WDR74: variants seen among roughly 807,000 people sequenced by gnomAD.
WDR74 encodes WD repeat-containing protein 74.
A neutral mutation model predicts 45.6 loss-of-function variants in WDR74; 31 were observed. That is an observed-to-expected ratio of 0.68 (90% CI 0.51 to 0.92). WDR74 has a LOEUF of 0.92. Among genes scored for constraint, WDR74 ranks in the 40% least tolerant of loss-of-function variants. The pLI is 0.00. For synonymous variants in WDR74, 191 were observed against 192.4 expected (o/e 0.99, Z 0.06); for missense variants, 455 against 497.2 (o/e 0.92, Z 0.81).
chr11:62,838,760 CA>C (rs112966057), intron 3 of WDR74, among the ~76,000 whole-genome samples: 19,413 of 99,476 alleles, frequency 0.2, 2,101 homozygotes, highest in African/African-American at 0.4. Flanking sequence ...ACTCCGTCTC[CA>C]AAAAAAAAAA....
rs746758859 is a variant in WDR74 at position 62,833,920 on chromosome 11, G to C, written c.793C>G (p.Leu265Val). Residue 265 changes from leucine to valine, a missense_variant, in exon 9 of 11, where the codon CTG becomes GTG. By Grantham distance (32) the Leu-to-Val change is conservative. Coordinates refer to ENST00000278856, the MANE Select transcript of WDR74 (RefSeq NM_001369450.1). ...DLRQGRLLGC[L>V]KGLAGSVRGL... The stretch of plus-strand genomic sequence containing the variant: ...CGCACACTGCCTGCCAGCCCCTTCA[G>C]ACAGCCCAGTAGACGCCCTAGAGAA... The C allele has an allele frequency of 5.6e-6, 9 of 1,613,842 alleles. No individual in the cohort carries two copies. Among genetic ancestry groups the C allele is most frequent in the Admixed American group, 1.7e-5 (1 of 60,010 alleles).
intron 3 of WDR74, among the ~76,000 whole-genome samples, chr11:62,838,595 C>T (rs1290899895): frequency 6.6e-6 from 1 of 151,718 alleles, no homozygotes; most frequent in Non-Finnish European, 1.5e-5. Context: ...CCCGTCTCTA[C>T]TAAAGATACA....
In WDR74 at chr11:62,839,576, A is replaced by G; in HGVS notation, c.-6T>C. The G allele has an allele frequency of 6.8e-6, 11 of 1,606,672 alleles. No homozygotes were observed. Among genetic ancestry groups the G allele is most frequent in the Non-Finnish European group, 9.4e-6 (11 of 1,175,994 alleles). On this transcript the variant is annotated 5_prime_UTR_variant, in exon 1 of 11. Transcript: ENST00000278856. Reference sequence around the variant, plus strand: ...CGTGCAGCAGCAGCCGCCATGACAAAGCCTGGAGGCAGACAGTTCACACTT... The same window carrying G: ...CGTGCAGCAGCAGCCGCCATGACAAGGCCTGGAGGCAGACAGTTCACACTT...
At chr11:62,841,238 A>AC (rs35017180), upstream of WDR74, among the ~76,000 whole-genome samples, 1 of 152,102 alleles carries the variant, frequency 6.6e-6, no homozygotes, top group African/African-American at 2.4e-5. Context: ...AATCGCATGA[A>AC]CCCGGGAGGC....
chr11:62,841,419 G>T (rs539530100), upstream of WDR74: 1 of 151,870 alleles, frequency 6.6e-6, no homozygotes, highest in African/African-American at 2.4e-5. Flanking sequence ...GAAGATTGCT[G>T]AAGACCACAT....
In WDR74 at chr11:62,839,190, C is replaced by G. The variant is rs201289915; in HGVS notation, c.217G>C (p.Glu73Gln). 2.5e-6 allele frequency: 4 copies of G among 1,613,754 alleles called. No individual in the cohort carries two copies. Among genetic ancestry groups the G allele is most frequent in the Non-Finnish European group, 3.4e-6 (4 of 1,179,902 alleles). Residue 73 changes from glutamate to glutamine, a missense_variant, in exon 3 of 11, where the codon GAG (glutamate) becomes CAG (glutamine). By Grantham distance (29) the Glu-to-Gln change is conservative. Transcript: ENST00000278856. ...ADRTVKHFST[E>Q]DGIFQGQRHC... The stretch of plus-strand genomic sequence containing the variant: ...CTCTGACCCTGGAATATGCCATCCT[C>G]GGTGCTGAAGTGCTTCACCGTCCTG...
At chr11:62,840,749 T>C (rs1260555242), upstream of WDR74, among the ~76,000 whole-genome samples, 2 of 152,194 alleles carry the variant, frequency 1.3e-5, no homozygotes, top group Non-Finnish European at 2.9e-5. Flanking sequence ...CTGATTCACT[T>C]TTCTTTTGGT....
In WDR74 at chr11:62,835,941, T is replaced by A; in HGVS notation, c.369+20A>T. On this transcript the variant is annotated intron_variant, in intron 4 of 10. Coordinates refer to ENST00000278856, the MANE Select transcript of WDR74 (RefSeq NM_001369450.1). Reference sequence around the variant, plus strand: ...TACCCCAGCCCACCTCCCCCAACCATCAGGGCAGGGGAGCCTCACTGGGTC... The same window carrying A: ...TACCCCAGCCCACCTCCCCCAACCAACAGGGCAGGGGAGCCTCACTGGGTC... The A allele has an allele frequency of 6.3e-7, 1 of 1,588,004 alleles. No individual in the cohort carries two copies. Among genetic ancestry groups the A allele is most frequent in the South Asian group, 1.1e-5 (1 of 87,288 alleles).
At chr11:62,841,615 G>GT (rs1565225849), upstream of WDR74, 1 of 152,176 alleles carries the variant, frequency 6.6e-6, no homozygotes, top group African/African-American at 2.4e-5. Context: ...TTCTCTCCCC[G>GT]AAGGGAGAGT....
intron 3 of WDR74, among the ~76,000 whole-genome samples, 156 bp downstream of exon 3, chr11:62,838,958 T>C (rs1418335675): frequency 6.6e-6 from 1 of 152,116 alleles, no homozygotes; most frequent in Non-Finnish European, 1.5e-5. Flanking sequence ...TAAATGTGTG[T>C]TACAGGTATG....
upstream of WDR74, chr11:62,841,654 A>C (rs529642087): frequency 3.3e-5 from 5 of 152,248 alleles, no homozygotes; most frequent in African/African-American, 7.2e-5. Flanking sequence ...CTGCAATACC[A>C]GGTCGATGCG....
intron 8 of WDR74, 137 bp downstream of exon 8, chr11:62,834,139 T>C: frequency 6.8e-7 from 1 of 1,479,656 alleles, no homozygotes; most frequent in East Asian, 2.3e-5. Context: ...CATACAGCTT[T>C]TAGGGAAACC....
rs377412418 is a variant in WDR74, at chr11:62,837,787, C to T, written c.293+1327G>A. 7.9e-5 allele frequency among the ~76,000 whole-genome samples: 12 copies of T among 152,344 alleles called. No homozygotes were observed. The South Asian group carries it at 2.5e-3, about 32-fold the overall frequency. On this transcript the variant is annotated intron_variant, in intron 3 of 10. Transcript: ENST00000278856. Reference sequence around the variant, plus strand: ...AGCCTGCTTCACAGCCCTCTTTCATCATCTTTGGAAGAAAGCAAGGCCAGT... The same window carrying T: ...AGCCTGCTTCACAGCCCTCTTTCATTATCTTTGGAAGAAAGCAAGGCCAGT...
chr11:62,836,093 C>T (rs1046758427), intron 3 of WDR74, 57 bp from the exon 4 acceptor site: 11 of 1,492,808 alleles, frequency 7.4e-6, no homozygotes, highest in Non-Finnish European at 1.0e-5. Context: ...TTGTTCTAAT[C>T]TTTCTCTCCT....
upstream of WDR74, chr11:62,841,598 A>C (rs539260370): frequency 3.9e-5 from 6 of 152,156 alleles, no homozygotes; most frequent in Admixed American, 3.3e-4. Flanking sequence ...CCATTAAACA[A>C]CGGTTGTTCT....
chr11:62,835,641 G>T, intron 5 of WDR74, 54 bp downstream of exon 5: 1 of 1,613,766 alleles, frequency 6.2e-7, no homozygotes, highest in Non-Finnish European at 8.5e-7. Context: ...CATCGTCAGT[G>T]GCCTCAGCCT....
upstream of WDR74, chr11:62,839,674 A>T (rs777346238): frequency 3.7e-6 from 5 of 1,366,280 alleles, no homozygotes; most frequent in Non-Finnish European, 5.0e-6. Context: ...AAGTTTGAAG[A>T]GCCGAAACAG....
upstream of WDR74, chr11:62,840,352 G>C (rs988599458): frequency 6.6e-6 from 1 of 151,562 alleles, no homozygotes; most frequent in Admixed American, 6.6e-5. Flanking sequence ...GCGTGGTGGC[G>C]GGCGCCTGTA....
Position 62,833,079 on chromosome 11 carries a change from T to A in WDR74, c.1031A>T (p.Glu344Val), listed in dbSNP as rs1331530417. The part of the protein sequence containing the change: ...EPNKVPLEDT[E>V]TDELWASLEA... ...CAAGGATGCCCAAAGTTCATCTGTC[T>A]CTGTGTCTTCTAGGGGCACCTTGTT... The change falls in exon 11 of 11, where the codon GAG (glutamate) becomes GTG (valine). Residue 344 changes from glutamate to valine, a missense_variant. Coordinates refer to ENST00000278856, the MANE Select transcript of WDR74 (RefSeq NM_001369450.1). The A allele has an allele frequency of 6.2e-7, 1 of 1,612,338 alleles. No homozygotes were observed. Among genetic ancestry groups the A allele is most frequent in the Non-Finnish European group, 8.5e-7 (1 of 1,179,364 alleles).
Sources: allele counts gnomAD v4.1 joint callset (sites outside exome capture counted in the v4.1 genomes callset), GRCh38; gene constraint gnomAD v4.1.1; transcripts MANE v1.5; gene names NCBI Gene and HGNC (gene_info 2026-07-23, HGNC 2026-07-21).